The following SHROOM3 variants were observed in gnomAD, a reference collection of about 807,000 sequenced individuals.
SHROOM3 encodes shroom family member 3.
Under a neutral mutation model 138.6 loss-of-function variants are expected in SHROOM3, and 47 were observed. The ratio of observed to expected loss-of-function variants is 0.34; its 90% CI spans 0.27 to 0.43. SHROOM3 has a LOEUF of 0.43. Among genes scored for constraint, SHROOM3 ranks in the 20% least tolerant of loss-of-function variants. The pLI, the probability that SHROOM3 is intolerant of heterozygous loss-of-function variation, is 1.00. For missense variants in SHROOM3, 2,491 were observed against 2,596.5 expected, an observed-to-expected ratio of 0.96 and a Z score of 0.88; for synonymous variants, 1,062 against 1,063.3, an observed-to-expected ratio of 1.00 and a Z score of 0.02.
At chr4:76,705,120 C>T (rs555715467) in intron 2 of SHROOM3, among the ~76,000 whole-genome samples, 2 of 152,192 alleles carry the variant, frequency 1.3e-5, no homozygotes, top group South Asian at 4.1e-4. Context: ...GATCTGGAAC[C>T]CTTTCTTTTG....
chr4:76,669,335 C>T (rs6830529), intron 2 of SHROOM3, among the ~76,000 whole-genome samples: 2,943 of 152,150 alleles, frequency 0.019, 94 homozygotes, highest in African/African-American at 0.064. Flanking sequence ...AAAAGTAATC[C>T]TATGGCTGGA....
At chr4:76,554,622 G>A (rs1037282037) in intron 1 of SHROOM3, among the ~76,000 whole-genome samples, 7 of 151,850 alleles carry the variant, frequency 4.6e-5, no homozygotes, top group African/African-American at 9.7e-5. Flanking sequence ...GGGTTTCACC[G>A]TGTTAGCCAG....
In SHROOM3 at chr4:76,756,810, A is replaced by G; in HGVS notation, c.5071A>G (p.Arg1691Gly). Residue 1691 changes from arginine (R) to glycine (G), a missense_variant, in exon 8 of 11, where the codon AGG becomes GGG. Coordinates refer to ENST00000296043, the MANE Select transcript of SHROOM3 (RefSeq NM_020859.4). The stretch of plus-strand genomic sequence containing the variant: ...AGCAGACATTTTGGATCCAGACTCC[A>G]GGCTGAAGACAACAATGGACCTGAT... ...SLADILDPDSRLKTTMDLMEG... is the reference protein window; with the variant it reads ...SLADILDPDSGLKTTMDLMEG... 2 of 1,614,210 alleles carry G rather than the reference A, an allele frequency of 1.2e-6. No individual in the cohort carries two copies. The highest frequency in any genetic ancestry group is 1.1e-5 in the South Asian group (1 of 91,074).
chr4:76,624,869 G>T (rs1735094180), intron 2 of SHROOM3, among the ~76,000 whole-genome samples: 1 of 152,200 alleles, frequency 6.6e-6, no homozygotes. Flanking sequence ...GTCTACAATG[G>T]ATTTTAGTAT....
chr4:76,456,065 G>A (rs1731021317), intron 1 of SHROOM3, among the ~76,000 whole-genome samples: 1 of 152,058 alleles, frequency 6.6e-6, no homozygotes, highest in Admixed American at 6.5e-5. Context: ...GGAGTACAGT[G>A]GTGCAATCTC....
intron 2 of SHROOM3, among the ~76,000 whole-genome samples, chr4:76,626,572 A>T (rs1735149062): frequency 6.6e-6 from 1 of 152,342 alleles, no homozygotes; most frequent in Non-Finnish European, 1.5e-5. Context: ...TTAGTTTAAC[A>T]TGCATGGGTA....
intron 2 of SHROOM3, among the ~76,000 whole-genome samples, chr4:76,687,980 C>G (rs537622457): frequency 6.6e-6 from 1 of 152,010 alleles, no homozygotes; most frequent in East Asian, 1.9e-4. Flanking sequence ...ACTTCTTACT[C>G]CCCCCCACGC....
rs1730542591 is a variant in SHROOM3 at position 76,435,401 on chromosome 4, T to A, written c.-652T>A. 6.6e-6 allele frequency: 1 copy of A among 152,186 alleles called. No homozygotes were observed. Among genetic ancestry groups the A allele is most frequent in the African/African-American group, 2.4e-5 (1 of 41,446 alleles). 9.4% of individuals were successfully genotyped at this position (152,186 alleles called of 1,614,324 possible). On this transcript the variant is annotated 5_prime_UTR_variant, in exon 1 of 11. Transcript: ENST00000296043. ...ATCCTGCAAAAGTTTTTTTCTCTCC[T>A]AAGAAACAAACTATGAACTGATTGT... is the stretch of plus-strand genomic sequence containing the variant.
chr4:76,635,850 A>G (rs1229102632), intron 2 of SHROOM3, among the ~76,000 whole-genome samples: 1 of 152,200 alleles, frequency 6.6e-6, no homozygotes, highest in African/African-American at 2.4e-5. Flanking sequence ...CTCCAGGGAA[A>G]CTGCTGGCAT....
At position 76,646,225 on chromosome 4, in the gene SHROOM3, AAT is replaced by A. The variant is rs371944513; in HGVS notation, c.324-63909_324-63908del. On this transcript the variant is annotated intron_variant, in intron 2 of 10. Transcript: ENST00000296043. ...CCTAGAACTTAAAGTATAATAAATA[AAT>A]ATATATATATATATATATATAAAAT... is the stretch of plus-strand genomic sequence containing the variant. Among the ~76,000 whole-genome samples, 157 of 96,216 alleles carry A rather than the reference AAT, an allele frequency of 1.6e-3. 1 individual carries two copies. Among genetic ancestry groups the A allele is most frequent in the African/African-American group, 3.9e-3 (88 of 22,704 alleles). 63.1% of individuals were successfully genotyped at this position (96,216 alleles called of 152,430 possible). A position where few individuals can be genotyped will look rare whatever the true frequency, so the allele number is the denominator to read the frequency against.
chr4:76,580,321 T>C (rs1466495380), intron 2 of SHROOM3, among the ~76,000 whole-genome samples: 2 of 152,238 alleles, frequency 1.3e-5, no homozygotes, highest in East Asian at 3.8e-4. Context: ...ATGCCATCTA[T>C]GTCCCATTCC....
intron 2 of SHROOM3, among the ~76,000 whole-genome samples, chr4:76,607,239 T>A (rs1217357836): frequency 2.0e-5 from 3 of 152,142 alleles, no homozygotes; most frequent in Non-Finnish European, 1.5e-5. Context: ...TCCTTCTGGG[T>A]CTAGGAGATG....
At chr4:76,688,217 A>G (rs760719618) in intron 2 of SHROOM3, 4 of 189,686 alleles carry the variant, frequency 2.1e-5, no homozygotes, top group Non-Finnish European at 2.9e-5. Context: ...TTGTGATACC[A>G]TAGGTAAAAC....
chr4:76,730,798 C>T lies in SHROOM3; in HGVS notation c.456-6C>T. 2 of 1,613,842 alleles carry T rather than the reference C, an allele frequency of 1.2e-6. No homozygotes were observed. Among genetic ancestry groups the T allele is most frequent in the Non-Finnish European group, 1.7e-6 (2 of 1,179,896 alleles). On this transcript the variant is annotated splice_polypyrimidine_tract_variant and splice_region_variant and intron_variant, in intron 3 of 10. Transcript: ENST00000296043. ...ATGTTGGGGGGTCCCTCCTGTGTCT[C>T]CCCAGGCGCAGTGAGCCTGCAGGCC...
chr4:76,692,135 A>G (rs1331897648), intron 2 of SHROOM3, among the ~76,000 whole-genome samples: 4 of 152,214 alleles, frequency 2.6e-5, no homozygotes, highest in Admixed American at 2.0e-4. Flanking sequence ...CAGAAAGAAG[A>G]TTGGGAGGTA....
At chr4:76,651,397 CATAAATATATATATAT>C (rs1405253624) in intron 2 of SHROOM3, among the ~76,000 whole-genome samples, 1,035 of 71,374 alleles carry the variant, frequency 0.015, 12 homozygotes, top group South Asian at 0.031. Flanking sequence ...TCATGTAACC[CATAAATATATATATAT>C]ATATATATAT....
chr4:76,782,702 C>T lies in SHROOM3; in HGVS notation c.*3525C>T, dbSNP rs1025842273. On this transcript the variant is annotated 3_prime_UTR_variant, in exon 11 of 11. Coordinates refer to ENST00000296043, the MANE Select transcript of SHROOM3 (RefSeq NM_020859.4). ...AACAACATGAATTTTATTCACCTTA[C>T]TATTAGAAAAAGGAATAACTACAGC... 6.6e-6 allele frequency: 1 copy of T among 152,116 alleles called. No homozygotes were observed. Among genetic ancestry groups the T allele is most frequent in the Non-Finnish European group, 1.5e-5 (1 of 68,026 alleles). 9.4% of individuals were successfully genotyped at this position (152,116 alleles called of 1,614,324 possible). A position where few individuals can be genotyped will look rare whatever the true frequency, so the allele number is the denominator to read the frequency against.
chr4:76,560,319 A>C (rs1160832924), intron 2 of SHROOM3, among the ~76,000 whole-genome samples: 1 of 152,228 alleles, frequency 6.6e-6, no homozygotes, highest in Non-Finnish European at 1.5e-5. Flanking sequence ...ATTTGTAGAT[A>C]ATCTAAAACT....
At chr4:76,676,944 C>CA (rs58270392) in intron 2 of SHROOM3, among the ~76,000 whole-genome samples, 8,124 of 78,666 alleles carry the variant, frequency 0.1, 242 homozygotes, top group Non-Finnish European at 0.13. Context: ...CTCCGTCTCA[C>CA]AAAAAAAAAA....
Sources: gnomAD v4.1 joint callset for allele counts (sites outside exome capture counted in the v4.1 genomes callset) on GRCh38, gnomAD v4.1.1 for gene constraint, MANE v1.5 for transcripts, NCBI Gene and HGNC (gene_info 2026-07-23, HGNC 2026-07-21) for gene names.